PRPSAP2: variants seen among roughly 807,000 people sequenced by gnomAD.
PRPSAP2 encodes the protein phosphoribosyl pyrophosphate synthetase associated protein 2.
Under a neutral mutation model 40.6 loss-of-function variants are expected in PRPSAP2, and 24 were observed. The observed-to-expected ratio is 0.59, with a 90% CI of 0.43 to 0.83. The LOEUF is 0.83. Ranked by LOEUF, PRPSAP2 falls within the 40% of genes least tolerant of loss-of-function variation. PRPSAP2 has a pLI of 0.00. For missense variants in PRPSAP2, 292 were observed against 465.6 expected (o/e 0.63, Z 3.43); for synonymous variants, 149 against 164.7 (o/e 0.90, Z 0.73).
At chr17:18,863,773 A>G (rs1234426363) in intron 1 of PRPSAP2, among the ~76,000 whole-genome samples, 1 of 145,172 alleles carries the variant, frequency 6.9e-6, no homozygotes, top group African/African-American at 2.5e-5. Context: ...ACCTCAGGTG[A>G]TCCACCCACC....
intron 1 of PRPSAP2, among the ~76,000 whole-genome samples, chr17:18,862,791 TTTTATTTATTTATTTATTTA>T (rs199576423): frequency 2.0e-5 from 3 of 149,222 alleles, no homozygotes; most frequent in Non-Finnish European, 1.5e-5. Flanking sequence ...TGTAACACCC[TTTTATTTATTTATTTATTTA>T]TTTATTTATT....
chr17:18,905,636 A>AT (rs2040538276), intron 8 of PRPSAP2, among the ~76,000 whole-genome samples: 2 of 151,394 alleles, frequency 1.3e-5, no homozygotes, highest in South Asian at 4.2e-4. Flanking sequence ...CTAGAGTGCA[A>AT]TGGTGCGATC....
rs558843602 is a variant in PRPSAP2 at position 18,923,936 on chromosome 17, C to G, written c.756C>G (p.Pro252=). 3.8e-5 allele frequency: 61 copies of G among 1,613,228 alleles called. No homozygotes were observed. The highest frequency in any genetic ancestry group is 1.3e-5 in the African/African-American group (1 of 75,016). ...EIPMLIPKEK[P]PITVVGDVGG... ...CAGTGCTGATTCCTAAAGAAAAGCCCCCAATCACGGTTGTGGGTGATGTTG... is the reference window on the plus strand; with the variant it reads ...CAGTGCTGATTCCTAAAGAAAAGCCGCCAATCACGGTTGTGGGTGATGTTG... Residue 252 remains proline (P), a synonymous_variant, in exon 10 of 12, where the codon CCC becomes CCG. Coordinates refer to ENST00000268835, the MANE Select transcript of PRPSAP2 (RefSeq NM_002767.4).
intron 8 of PRPSAP2, among the ~76,000 whole-genome samples, chr17:18,897,805 A>G (rs924694714): frequency 2.6e-5 from 4 of 151,778 alleles, no homozygotes; most frequent in Non-Finnish European, 5.9e-5. Flanking sequence ...CTGTTTTAAT[A>G]GTTGTTCTAA....
intron 8 of PRPSAP2, among the ~76,000 whole-genome samples, chr17:18,895,081 C>CTTTTTT (rs35066217): frequency 7.6e-6 from 1 of 131,144 alleles, no homozygotes; most frequent in Non-Finnish European, 1.6e-5. Context: ...TAGATGTGTA[C>CTTTTTT]TTTTTTTTTT....
intron 8 of PRPSAP2, among the ~76,000 whole-genome samples, chr17:18,893,463 A>T (rs1458156842): frequency 6.6e-6 from 1 of 151,894 alleles, no homozygotes; most frequent in Non-Finnish European, 1.5e-5. Flanking sequence ...GTCATGTCTA[A>T]GAATCCATTG....
intron 7 of PRPSAP2, among the ~76,000 whole-genome samples, chr17:18,888,165 A>G (rs1241777997): frequency 5.7e-5 from 1 of 17,598 alleles, no homozygotes; most frequent in Non-Finnish European, 1.3e-4. Flanking sequence ...GGTTGGGGGT[A>G]AGGTCACAGA....
chr17:18,912,239 C>T (rs2041006775), intron 9 of PRPSAP2, among the ~76,000 whole-genome samples: 1 of 152,104 alleles, frequency 6.6e-6, no homozygotes. Flanking sequence ...GGGCCTGTTC[C>T]TCGTAGATGG....
At chr17:18,910,691 C>T (rs1265115775) in intron 8 of PRPSAP2, among the ~76,000 whole-genome samples, 1 of 152,162 alleles carries the variant, frequency 6.6e-6, no homozygotes, top group Admixed American at 6.6e-5. Context: ...GTTTTACCTC[C>T]CTAAAACTAT....
intron 8 of PRPSAP2, among the ~76,000 whole-genome samples, chr17:18,903,626 CAGGAGGCTGAGGTGGG>C (rs918492497): frequency 1.2e-4 from 19 of 152,008 alleles, no homozygotes; most frequent in Non-Finnish European, 2.4e-4. Context: ...CCCAGCTACT[CAGGAGGCTGAGGTGGG>C]AGGATCACTT....
At chr17:18,908,851 G>A (rs978224982) in intron 8 of PRPSAP2, 3 of 662,592 alleles carry the variant, frequency 4.5e-6, no homozygotes, top group Middle Eastern at 8.9e-4. Flanking sequence ...GGAGGATGCT[G>A]AGGAGAAGCA....
chr17:18,883,769 A>C (rs1468816306), intron 7 of PRPSAP2, among the ~76,000 whole-genome samples: 1 of 152,144 alleles, frequency 6.6e-6, no homozygotes, highest in African/African-American at 2.4e-5. Context: ...ATTTAAAAGA[A>C]GATAACTTCT....
intron 4 of PRPSAP2, among the ~76,000 whole-genome samples, chr17:18,870,978 T>A (rs2037819572): frequency 6.6e-6 from 1 of 151,610 alleles, no homozygotes; most frequent in South Asian, 2.1e-4. Context: ...TCATCTAATA[T>A]ATGGCCTATA....
At chr17:18,866,346 C>G (rs985532571) in intron 3 of PRPSAP2, among the ~76,000 whole-genome samples, 1 of 152,078 alleles carries the variant, frequency 6.6e-6, no homozygotes, top group Non-Finnish European at 1.5e-5. Flanking sequence ...GGGTGTATCA[C>G]GAGGTCAGGA....
At chr17:18,885,072 T>C (rs956767784) in intron 7 of PRPSAP2, among the ~76,000 whole-genome samples, 2 of 152,084 alleles carry the variant, frequency 1.3e-5, no homozygotes, top group Non-Finnish European at 2.9e-5. Context: ...CACTGCCTTC[T>C]ACTTGAAAAA....
intron 8 of PRPSAP2, among the ~76,000 whole-genome samples, chr17:18,894,260 A>G (rs904700556): frequency 6.6e-6 from 1 of 151,570 alleles, no homozygotes; most frequent in African/African-American, 2.4e-5. Flanking sequence ...CTCGGGTTCA[A>G]GTGATTCTCC....
chr17:18,878,602 G>C (rs2038477217), intron 6 of PRPSAP2, among the ~76,000 whole-genome samples: 1 of 152,106 alleles, frequency 6.6e-6, no homozygotes, highest in African/African-American at 2.4e-5. Flanking sequence ...CTGTTGCCCA[G>C]GCTGGAGTGC....
At chr17:18,920,032 G>A (rs972833136) in intron 9 of PRPSAP2, among the ~76,000 whole-genome samples, 1 of 152,182 alleles carries the variant, frequency 6.6e-6, no homozygotes, top group Non-Finnish European at 1.5e-5. Context: ...GTGCTGGGGG[G>A]TAGGCCTGGG....
At chr17:18,857,195 C>T (rs886283211), upstream of PRPSAP2, among the ~76,000 whole-genome samples, 15 of 151,720 alleles carry the variant, frequency 9.9e-5, no homozygotes, top group Admixed American at 7.2e-4. Flanking sequence ...ATTAGTCGGG[C>T]GTGGTGGCGC....
Sources: gnomAD v4.1 joint callset for allele counts (sites outside exome capture counted in the v4.1 genomes callset) on GRCh38, gnomAD v4.1.1 for gene constraint, MANE v1.5 for transcripts, NCBI Gene and HGNC (gene_info 2026-07-23, HGNC 2026-07-21) for gene names.